TRIM44: variants seen among roughly 807,000 people sequenced by gnomAD.
The protein encoded by TRIM44 is tripartite motif containing 44.
TRIM44 carries 13 observed loss-of-function variants against 37.4 expected under a neutral mutation model. The observed-to-expected ratio is 0.35, with a 90% CI of 0.23 to 0.55. The LOEUF (loss-of-function observed/expected upper bound fraction) is 0.55. TRIM44 is among the 20% of genes least tolerant of loss of function. TRIM44 has a pLI of 0.89. For synonymous variants in TRIM44, 175 were observed against 157.2 expected, an observed-to-expected ratio of 1.11 and a Z score of -0.85; for missense variants, 426 against 437.2, an observed-to-expected ratio of 0.97 and a Z score of 0.23.
At chr11:35,793,520 G>A (rs935278845) in intron 4 of TRIM44, among the ~76,000 whole-genome samples, 1 of 152,050 alleles carries the variant, frequency 6.6e-6, no homozygotes, top group African/African-American at 2.4e-5. Flanking sequence ...GTGAGACTCT[G>A]TCTCAAAAAT....
At chr11:35,718,583 T>C (rs1041879686) in intron 2 of TRIM44, among the ~76,000 whole-genome samples, 3 of 152,182 alleles carry the variant, frequency 2.0e-5, no homozygotes, top group African/African-American at 7.2e-5. Flanking sequence ...CATATCATTA[T>C]CACCCAAAGT....
Position 35,663,536 on chromosome 11 carries a change from A to T in TRIM44, c.425A>T (p.Glu142Val). ...GAGGATGAGCAAGAAAGCGAGGCCGAAGAAGACAACCAAGAAGAAGGGGAA... is the reference window on the plus strand; with the variant it reads ...GAGGATGAGCAAGAAAGCGAGGCCGTAGAAGACAACCAAGAAGAAGGGGAA... ...EMEDEQESEA[E>V]EDNQEEGESE... is the part of the protein sequence containing the mutation. The change falls in exon 1 of 5, where the codon GAA becomes GTA. Residue 142 changes from glutamate to valine, a missense_variant. Coordinates refer to ENST00000299413, the MANE Select transcript of TRIM44 (RefSeq NM_017583.6). The T allele has an allele frequency of 6.2e-7, 1 of 1,611,366 alleles. No homozygotes were observed. Among genetic ancestry groups the T allele is most frequent in the Non-Finnish European group, 8.5e-7 (1 of 1,178,588 alleles).
intron 2 of TRIM44, among the ~76,000 whole-genome samples, chr11:35,696,838 ACT>A (rs1851706122): frequency 7.1e-6 from 1 of 141,518 alleles, no homozygotes; most frequent in Non-Finnish European, 1.5e-5. Context: ...CAAGAGTGAA[ACT>A]CTGTCCAAAA....
chr11:35,715,575 C>T (rs1852030503), intron 2 of TRIM44, among the ~76,000 whole-genome samples: 1 of 151,780 alleles, frequency 6.6e-6, no homozygotes, highest in African/African-American at 2.4e-5. Context: ...GGCTTAAGTA[C>T]CAAAATTTAT....
Position 35,675,575 on chromosome 11 carries a change from G to A in TRIM44, c.670-9684G>A, listed in dbSNP as rs546307535. Among the ~76,000 whole-genome samples, 70 of 152,290 alleles carry A rather than the reference G, an allele frequency of 4.6e-4. 1 individual carries two copies. The South Asian group carries it at 0.012, about 27-fold the overall frequency. On this transcript the variant is annotated intron_variant, in intron 1 of 4. Transcript: ENST00000299413. ...TTTTGTTTGTTTGTTCATTTGAGAC[G>A]GAGTGGCACGATGTCGGCTCACTGC...
At chr11:35,803,649 A>T (rs747076508) in intron 4 of TRIM44, among the ~76,000 whole-genome samples, 1 of 152,166 alleles carries the variant, frequency 6.6e-6, no homozygotes, top group Non-Finnish European at 1.5e-5. Context: ...TGAACCCGGG[A>T]GGCGGAGATT....
At chr11:35,776,302 G>A (rs945427515) in intron 4 of TRIM44, among the ~76,000 whole-genome samples, 1 of 152,294 alleles carries the variant, frequency 6.6e-6, no homozygotes, top group East Asian at 1.9e-4. Flanking sequence ...GATCAGTGGT[G>A]ATATCCTCTT....
At chr11:35,709,852 A>G (rs1039140407) in intron 2 of TRIM44, among the ~76,000 whole-genome samples, 1 of 152,208 alleles carries the variant, frequency 6.6e-6, no homozygotes, top group Admixed American at 6.5e-5. Flanking sequence ...TTAAATTTAA[A>G]GGAGTCTAAT....
chr11:35,701,563 C>T (rs896757290), intron 2 of TRIM44, among the ~76,000 whole-genome samples: 13 of 152,106 alleles, frequency 8.5e-5, no homozygotes, highest in Admixed American at 3.9e-4. Flanking sequence ...ACCCTGAACC[C>T]AGGCTGCCAT....
rs1853561982 is a variant in TRIM44, at chr11:35,814,652, C to T, written c.*8267C>T. 1 of 152,156 alleles carries T rather than the reference C, an allele frequency of 6.6e-6. No individual in the cohort carries two copies. The highest frequency in any genetic ancestry group is 2.1e-4 in the South Asian group (1 of 4,826). 9.4% of individuals were successfully genotyped at this position (152,156 alleles called of 1,614,324 possible). A position where few individuals can be genotyped will look rare whatever the true frequency, so the allele number is the denominator to read the frequency against. ...GATTATATATAGAGATGGTCTAAAT[C>T]AGCTGCATCCCATTTGGTACCCAGG... is the stretch of plus-strand genomic sequence containing the variant. On this transcript the variant is annotated 3_prime_UTR_variant, in exon 5 of 5. Transcript: ENST00000299413.
intron 4 of TRIM44, among the ~76,000 whole-genome samples, chr11:35,803,200 T>C (rs1319537427): frequency 2.0e-5 from 3 of 151,958 alleles, no homozygotes; most frequent in Admixed American, 6.6e-5. Context: ...AAAGTAATTA[T>C]GTAATGCTGC....
chr11:35,675,935 AAC>A (rs1851455139), intron 1 of TRIM44, among the ~76,000 whole-genome samples: 2 of 152,232 alleles, frequency 1.3e-5, no homozygotes, highest in South Asian at 2.1e-4. Context: ...GAGACTGGGA[AAC>A]AGTCATTTCT....
At position 35,704,561 on chromosome 11, in the gene TRIM44, T is replaced by A. The variant is rs527999456; in HGVS notation, c.747+19225T>A. Among the ~76,000 whole-genome samples, 1,258 of 152,280 alleles carry A rather than the reference T, an allele frequency of 8.3e-3. 16 individuals carry two copies. Among genetic ancestry groups the A allele is most frequent in the African/African-American group, 0.028 (1,168 of 41,558 alleles). ...AAGCCCATCAGACTAACAGCGGATC[T>A]CTCGGCAGAAACTCTACAAGCCAGA... On this transcript the variant is annotated intron_variant, in intron 2 of 4. Transcript: ENST00000299413.
At chr11:35,745,751 A>G (rs182130173) in intron 4 of TRIM44, among the ~76,000 whole-genome samples, 222 of 152,156 alleles carry the variant, frequency 1.5e-3, no homozygotes, top group African/African-American at 5.1e-3. Flanking sequence ...CTGCACTCAC[A>G]CCCACACTCA....
chr11:35,663,629 G>C lies in TRIM44; in HGVS notation c.518G>C (p.Arg173Thr), dbSNP rs1354199037. Residue 173 changes from arginine (R) to threonine (T), a missense_variant, in exon 1 of 5, where the codon AGA (arginine) becomes ACA (threonine). By Grantham distance (71) the Arg-to-Thr change is moderately conservative. Transcript: ENST00000299413. ...CCAGAAATAGAAATGGAAGCAGAGAGAGTGGCCAAGAGGAAGTGTCCGGAC... is the reference window on the plus strand; with the variant it reads ...CCAGAAATAGAAATGGAAGCAGAGACAGTGGCCAAGAGGAAGTGTCCGGAC... ...FDPEIEMEAE[R>T]VAKRKCPDHG... The C allele has an allele frequency of 6.2e-7, 1 of 1,614,032 alleles. No homozygotes were observed.
intron 2 of TRIM44, among the ~76,000 whole-genome samples, chr11:35,702,934 C>T (rs929412396): frequency 9.2e-5 from 14 of 152,176 alleles, no homozygotes; most frequent in Non-Finnish European, 1.8e-4. Flanking sequence ...GCACCATGCA[C>T]GAGCCGAAGC....
intron 1 of TRIM44, among the ~76,000 whole-genome samples, chr11:35,679,942 C>T (rs1851505537): frequency 6.6e-6 from 1 of 152,152 alleles, no homozygotes; most frequent in African/African-American, 2.4e-5. Context: ...AAACCTAGGT[C>T]TCCTTTCTCT....
intron 4 of TRIM44, among the ~76,000 whole-genome samples, chr11:35,747,673 A>G (rs927188145): frequency 1.3e-5 from 2 of 152,162 alleles, no homozygotes; most frequent in East Asian, 3.9e-4. Context: ...GCTTGCCAGG[A>G]AAGTGCCTAA....
At chr11:35,746,435 C>CG (rs1456244675) in intron 4 of TRIM44, among the ~76,000 whole-genome samples, 2 of 132,162 alleles carry the variant, frequency 1.5e-5, no homozygotes, top group African/African-American at 5.6e-5. Flanking sequence ...CAGCAGCTTC[C>CG]GGGGGTCCTT....
Sources: gnomAD v4.1 joint callset for allele counts (sites outside exome capture counted in the v4.1 genomes callset) on GRCh38, gnomAD v4.1.1 for gene constraint, MANE v1.5 for transcripts, NCBI Gene and HGNC (gene_info 2026-07-23, HGNC 2026-07-21) for gene names.